Variants in PCNX1 observed in about 807,000 individuals in gnomAD.
PCNX1 encodes the protein pecanex-like protein 1.
A neutral mutation model predicts 242.2 loss-of-function variants in PCNX1; 78 were observed. That is an observed-to-expected ratio of 0.32 (90% CI 0.27 to 0.39). The LOEUF (loss-of-function observed/expected upper bound fraction) is 0.39, where lower values mean the gene tolerates loss of function less well. Among genes scored for constraint, PCNX1 ranks in the 10% least tolerant of loss-of-function variants. PCNX1 has a pLI of 1.00. For synonymous variants in PCNX1, 1,024 were observed against 1,032.9 expected (o/e 0.99, Z 0.17); for missense variants, 2,581 against 2,856.5 (o/e 0.90, Z 2.20).
intron 5 of PCNX1, among the ~76,000 whole-genome samples, chr14:70,973,575 C>T (rs141967698): frequency 5.5e-4 from 84 of 151,962 alleles, no homozygotes; most frequent in Middle Eastern, 3.4e-3. Context: ...TGAATACAGA[C>T]AACTCTTTCA....
chr14:70,978,063 C>T lies in PCNX1; in HGVS notation c.1726C>T (p.Arg576Trp), dbSNP rs772301202. The change falls in exon 6 of 36, where the codon CGG (arginine) becomes TGG (tryptophan). Residue 576 changes from arginine to tryptophan, a missense_variant. Transcript: ENST00000304743. Reference protein sequence around the residue: ...KKRASSFDSSRHRDYVCFRGV... With the variant: ...KKRASSFDSSWHRDYVCFRGV... ...ACGGGCTAGCAGTTTTGATTCAAGC[C>T]GGCATAGGGACTATGTTTGCTTTCG... is the stretch of plus-strand genomic sequence containing the variant. The T allele has an allele frequency of 1.1e-5, 18 of 1,614,054 alleles. No homozygotes were observed. The East Asian group carries it at 2.5e-4, about 22-fold the overall frequency.
intron 34 of PCNX1, 70 bp downstream of exon 34, chr14:71,109,116 T>C (rs2062700468): frequency 9.5e-6 from 12 of 1,267,158 alleles, no homozygotes; most frequent in Middle Eastern, 1.9e-4. Context: ...ATTTGTTGAA[T>C]GAAGGACTGT....
chr14:71,036,085 C>T lies in PCNX1; in HGVS notation c.3795C>T (p.Asp1265=). 1 of 1,602,928 alleles carries T rather than the reference C, an allele frequency of 6.2e-7. No homozygotes were observed. The highest frequency in any genetic ancestry group is 8.5e-7 in the Non-Finnish European group (1 of 1,170,140). ...RNSVSERLQS[D]LVVCIVIGVL... is the part of the protein sequence containing the mutation. ...CACAGAGTGAGCGATTACAGTCTGA[C>T]CTGGTAGTATGCATTGTAATTGGTG... Residue 1265 remains aspartate, a synonymous_variant, in exon 19 of 36, where the codon GAC becomes GAT. Coordinates refer to ENST00000304743, the MANE Select transcript of PCNX1 (RefSeq NM_014982.3).
chr14:70,973,740 A>AT (rs758319154), intron 5 of PCNX1, among the ~76,000 whole-genome samples: 33 of 152,106 alleles, frequency 2.2e-4, no homozygotes, highest in Non-Finnish European at 4.7e-4. Flanking sequence ...AGAAGGTATG[A>AT]TTTTTGTTTA....
chr14:71,021,343 C>T (rs901837111), intron 12 of PCNX1, among the ~76,000 whole-genome samples: 1 of 152,098 alleles, frequency 6.6e-6, no homozygotes, highest in Non-Finnish European at 1.5e-5. Flanking sequence ...CTGTGAATTA[C>T]TTTGGGCAGT....
chr14:71,010,207 G>A (rs369559450), intron 9 of PCNX1, among the ~76,000 whole-genome samples: 1 of 151,888 alleles, frequency 6.6e-6, no homozygotes, highest in South Asian at 2.1e-4. Context: ...AAGATATCCC[G>A]AAGATCTTAC....
intron 28 of PCNX1, among the ~76,000 whole-genome samples, chr14:71,085,181 T>C (rs750567098): frequency 7.2e-5 from 11 of 152,176 alleles, no homozygotes; most frequent in Non-Finnish European, 1.6e-4. Context: ...ACCTACTGTC[T>C]AACCAGTCCC....
chr14:71,028,722 A>G lies in PCNX1; in HGVS notation c.3489A>G (p.Ala1163=). 6.2e-7 allele frequency: 1 copy of G among 1,607,574 alleles called. No homozygotes were observed. The highest frequency in any genetic ancestry group is 1.7e-5 in the Admixed American group (1 of 59,192). The change falls in exon 16 of 36, where the codon GCA becomes GCG. Residue 1163 remains alanine (A), a synonymous_variant. Transcript: ENST00000304743. The stretch of plus-strand genomic sequence containing the variant: ...TAGCCACTACAAGCCTGCTTGCAGC[A>G]CTTTACAGTTTTATCTGTAGCATTG... ...GGNATTSLLA[A]LYSFICSIVA... is the part of the protein sequence containing the mutation.
At chr14:71,076,472 A>G in intron 28 of PCNX1, 53 bp downstream of exon 28, 1 of 1,180,614 alleles carries the variant, frequency 8.5e-7, no homozygotes, top group Non-Finnish European at 1.3e-6. Flanking sequence ...CCAAAGATGC[A>G]AAGAATGTCC....
intron 11 of PCNX1, among the ~76,000 whole-genome samples, chr14:71,015,908 C>T (rs1384373093): frequency 6.6e-6 from 1 of 151,968 alleles, no homozygotes; most frequent in Non-Finnish European, 1.5e-5. Flanking sequence ...AATATAAAAA[C>T]AGAAGACAGT....
intron 7 of PCNX1, among the ~76,000 whole-genome samples, chr14:70,991,266 G>A (rs1337858821): frequency 3.4e-5 from 5 of 148,960 alleles, no homozygotes; most frequent in Non-Finnish European, 5.9e-5. Flanking sequence ...GTGCAGTGGC[G>A]CGATCTCGGC....
At chr14:70,970,150 A>G (rs1371849753) in intron 5 of PCNX1, among the ~76,000 whole-genome samples, 4 of 152,042 alleles carry the variant, frequency 2.6e-5, no homozygotes, top group African/African-American at 4.8e-5. Context: ...GCTTGAGTCC[A>G]GGAGTTTGAA....
chr14:71,058,043 G>A (rs551886954), intron 26 of PCNX1, among the ~76,000 whole-genome samples: 64 of 152,312 alleles, frequency 4.2e-4, no homozygotes, highest in Admixed American at 1.1e-3. Flanking sequence ...GCATAAATTT[G>A]TTAGGTGGCT....
chr14:70,957,531 C>T (rs183322617), intron 2 of PCNX1, among the ~76,000 whole-genome samples: 8 of 152,214 alleles, frequency 5.3e-5, no homozygotes, highest in Admixed American at 1.3e-4. Context: ...CACAAAACAT[C>T]ACATATGATT....
intron 1 of PCNX1, among the ~76,000 whole-genome samples, chr14:70,933,431 A>G (rs2056879686): frequency 6.6e-6 from 1 of 152,216 alleles, no homozygotes; most frequent in African/African-American, 2.4e-5. Context: ...TTAATGCTTG[A>G]AAAGAAATTC....
intron 5 of PCNX1, among the ~76,000 whole-genome samples, chr14:70,975,250 C>T (rs1387178604): frequency 6.6e-6 from 1 of 151,770 alleles, no homozygotes; most frequent in Non-Finnish European, 1.5e-5. Flanking sequence ...TTTAATATTA[C>T]AAAACGTACA....
intron 1 of PCNX1, among the ~76,000 whole-genome samples, chr14:70,922,043 T>C (rs1050162812): frequency 6.6e-6 from 1 of 152,190 alleles, no homozygotes; most frequent in African/African-American, 2.4e-5. Flanking sequence ...CATCTTATTA[T>C]TTCCTACTTA....
intron 3 of PCNX1, among the ~76,000 whole-genome samples, chr14:70,962,735 T>C (rs1158294433): frequency 2.0e-5 from 3 of 152,252 alleles, no homozygotes; most frequent in East Asian, 3.8e-4. Context: ...ATGGTAAGGC[T>C]AAAAGTAAAA....
rs1472520749 is a variant in PCNX1 at position 70,947,089 on chromosome 14, T to C, written c.328T>C (p.Cys110Arg). ...DQRTKAEQGN[C>R]STRRKDSNGP... ...GCGAACCAAAGCTGAACAAGGCAAC[T>C]GTTCAACCAGGAGAAAAGACAGCAA... is the stretch of plus-strand genomic sequence containing the variant. Residue 110 changes from cysteine (C) to arginine (R), a missense_variant, in exon 2 of 36, where the codon TGT (cysteine) becomes CGT (arginine). This residue lies in a region of PCNX1 where 1,204 missense variants were observed against 1,216.7 expected (regional missense o/e 0.99). Coordinates refer to ENST00000304743, the MANE Select transcript of PCNX1 (RefSeq NM_014982.3). 6.2e-7 allele frequency: 1 copy of C among 1,612,838 alleles called. No individual in the cohort carries two copies. Among genetic ancestry groups the C allele is most frequent in the Non-Finnish European group, 8.5e-7 (1 of 1,179,444 alleles).
Sources: gnomAD v4.1 joint callset for allele counts (sites outside exome capture counted in the v4.1 genomes callset) on GRCh38, gnomAD v4.1.1 for gene constraint, gnomAD v4.1.1 regional missense constraint, MANE v1.5 for transcripts, NCBI Gene and HGNC (gene_info 2026-07-23, HGNC 2026-07-21) for gene names.